Variants in GPC6 observed in about 807,000 individuals in gnomAD.
GPC6 encodes glypican 6, also known as glypican-6.
A neutral mutation model predicts 55.2 loss-of-function variants in GPC6; 14 were observed. The observed-to-expected ratio is 0.25, with a 90% confidence interval of 0.17 to 0.40. The LOEUF (loss-of-function observed/expected upper bound fraction) is 0.40, where lower values mean the gene tolerates loss of function less well. Ranked by LOEUF, GPC6 falls within the 10% of genes least tolerant of loss-of-function variation. The pLI is 1.00. For synonymous variants in GPC6, 278 were observed against 259.6 expected, an observed-to-expected ratio of 1.07 and a Z score of -0.68; for missense variants, 641 against 708.5, an observed-to-expected ratio of 0.90 and a Z score of 1.08.
intron 1 of GPC6, among the ~76,000 whole-genome samples, chr13:93,418,198 C>T (rs532701799): frequency 3.6e-4 from 55 of 151,370 alleles, no homozygotes; most frequent in African/African-American, 1.0e-3. Context: ...TGAGATACTT[C>T]GATATAGGCA....
rs548088424 is a variant in GPC6, at chr13:93,232,669, C to CT, written c.160+5056dup. On this transcript the variant is annotated intron_variant, in intron 1 of 8. Transcript: ENST00000377047. ...GATTTAAAATGTACAGCATTATGTTCTTTAAGTATTATGGCATAAAGATTG... is the reference window on the plus strand; with the variant it reads ...GATTTAAAATGTACAGCATTATGTTCTTTTAAGTATTATGGCATAAAGATTG... Among the ~76,000 whole-genome samples, 75 of 152,156 alleles carry CT rather than the reference C, an allele frequency of 4.9e-4. 1 individual carries two copies. In the East Asian group the frequency reaches 9.5e-3, roughly 19 times the overall value.
At chr13:94,354,262 C>G (rs749559966) in intron 6 of GPC6, among the ~76,000 whole-genome samples, 1 of 151,908 alleles carries the variant, frequency 6.6e-6, no homozygotes, top group Non-Finnish European at 1.5e-5. Context: ...TTATGGGGCT[C>G]TCTCCATAAT....
intron 4 of GPC6, among the ~76,000 whole-genome samples, chr13:94,097,919 A>G (rs1268939077): frequency 6.6e-6 from 1 of 152,212 alleles, no homozygotes; most frequent in African/African-American, 2.4e-5. Context: ...ATTGAAAAGA[A>G]AATAGAATCA....
chr13:94,108,028 C>G (rs1360686924), intron 4 of GPC6, among the ~76,000 whole-genome samples: 1 of 152,080 alleles, frequency 6.6e-6, no homozygotes, highest in Non-Finnish European at 1.5e-5. Flanking sequence ...CCAGCAATCT[C>G]ACTTCTGGGT....
At position 93,545,328 on chromosome 13, in the gene GPC6, A is replaced by G; in HGVS notation, c.226A>G (p.Ser76Gly). The G allele has an allele frequency of 1.2e-6, 2 of 1,613,692 alleles. No homozygotes were observed. The highest frequency in any genetic ancestry group is 1.7e-6 in the Non-Finnish European group (2 of 1,179,606). Residue 76 changes from serine to glycine, a missense_variant, in exon 2 of 9, where the codon AGC becomes GGC. By Grantham distance (56) the Ser-to-Gly change is moderately conservative. Coordinates refer to ENST00000377047, the MANE Select transcript of GPC6 (RefSeq NM_005708.5). Reference protein sequence around the residue: ...CCTTEMEDKLSQQSKLEFENL... With the variant: ...CCTTEMEDKLGQQSKLEFENL... ...CACCACAGAAATGGAAGACAAGTTA[A>G]GCCAACAAAGCAAACTCGAATTTGA...
intron 3 of GPC6, among the ~76,000 whole-genome samples, chr13:93,904,707 GC>G (rs1250512471): frequency 1.3e-5 from 2 of 152,156 alleles, no homozygotes; most frequent in Non-Finnish European, 2.9e-5. Flanking sequence ...CTGCACTCCA[GC>G]CTGGGTGACA....
chr13:93,788,496 A>G (rs1885883870), intron 2 of GPC6, among the ~76,000 whole-genome samples: 1 of 144,998 alleles, frequency 6.9e-6, no homozygotes, highest in African/African-American at 2.6e-5. Flanking sequence ...GAAATGCCCT[A>G]TTCTGTTCAT....
At chr13:94,280,496 T>C in intron 4 of GPC6, among the ~76,000 whole-genome samples, 1 of 152,154 alleles carries the variant, frequency 6.6e-6, no homozygotes, top group East Asian at 1.9e-4. Context: ...GCAAAGGACA[T>C]GTATATTCAG....
intron 2 of GPC6, among the ~76,000 whole-genome samples, chr13:93,810,505 G>A (rs900090611): frequency 3.9e-5 from 6 of 152,182 alleles, no homozygotes; most frequent in Non-Finnish European, 1.5e-5. Context: ...CCATATGGCT[G>A]CTTTGAAATT....
chr13:93,718,693 T>A, intron 2 of GPC6, among the ~76,000 whole-genome samples: 1 of 152,114 alleles, frequency 6.6e-6, no homozygotes, highest in East Asian at 1.9e-4. Flanking sequence ...TCATATGTCC[T>A]TAATGGTATT....
intron 2 of GPC6, among the ~76,000 whole-genome samples, chr13:93,727,640 C>A (rs1321465147): frequency 6.6e-6 from 1 of 152,140 alleles, no homozygotes; most frequent in Non-Finnish European, 1.5e-5. Context: ...AGCATGAAAC[C>A]AGCCACAAAC....
chr13:94,278,798 G>T (rs1892288655), intron 4 of GPC6, among the ~76,000 whole-genome samples: 1 of 152,154 alleles, frequency 6.6e-6, no homozygotes, highest in Admixed American at 6.5e-5. Flanking sequence ...ACTTGATTGT[G>T]GTGGATGTGG....
chr13:94,350,513 A>T (rs933312400), intron 6 of GPC6, among the ~76,000 whole-genome samples: 52 of 152,250 alleles, frequency 3.4e-4, no homozygotes, highest in African/African-American at 1.2e-3. Flanking sequence ...GACCCCAGAC[A>T]TCTCTCTTGG....
chr13:94,056,927 G>A (rs1884152661), intron 4 of GPC6, among the ~76,000 whole-genome samples: 1 of 152,156 alleles, frequency 6.6e-6, no homozygotes, highest in Non-Finnish European at 1.5e-5. Flanking sequence ...AACATTACCT[G>A]AAATTTCAGT....
chr13:93,904,652 C>A (rs141793524), intron 3 of GPC6, among the ~76,000 whole-genome samples: 1 of 152,226 alleles, frequency 6.6e-6, no homozygotes, highest in African/African-American at 2.4e-5. Context: ...CTGGAAGGAT[C>A]ACAAGCCAGG....
At chr13:94,233,667 G>A (rs1890794960) in intron 4 of GPC6, among the ~76,000 whole-genome samples, 1 of 152,046 alleles carries the variant, frequency 6.6e-6, no homozygotes, top group Non-Finnish European at 1.5e-5. Flanking sequence ...TTGATTTTCA[G>A]ATTCGTTGTT....
chr13:93,350,387 T>G (rs1169701880), intron 1 of GPC6, among the ~76,000 whole-genome samples: 1 of 152,228 alleles, frequency 6.6e-6, no homozygotes, highest in Non-Finnish European at 1.5e-5. Context: ...TGAGCCAAGA[T>G]CATGCCACTG....
At chr13:94,002,877 A>G (rs148209866) in intron 3 of GPC6, among the ~76,000 whole-genome samples, 1 of 152,276 alleles carries the variant, frequency 6.6e-6, no homozygotes, top group Non-Finnish European at 1.5e-5. Context: ...GAAAGGGCCA[A>G]TTACAAAGTG....
chr13:93,386,046 G>A (rs960600476), intron 1 of GPC6, among the ~76,000 whole-genome samples: 2 of 145,788 alleles, frequency 1.4e-5, no homozygotes, highest in African/African-American at 2.6e-5. Flanking sequence ...GAAACATAGA[G>A]CACCCTCACT....
Sources: allele counts gnomAD v4.1 joint callset (sites outside exome capture counted in the v4.1 genomes callset), GRCh38; gene constraint gnomAD v4.1.1; transcripts MANE v1.5; gene names NCBI Gene and HGNC (gene_info 2026-07-23, HGNC 2026-07-21).